The following NDST4 variants were observed in gnomAD, a reference collection of about 807,000 sequenced individuals.
The protein encoded by NDST4 is N-heparan sulfate sulfotransferase 4.
A neutral mutation model predicts 100.8 loss-of-function variants in NDST4; 63 were observed. That is an observed-to-expected ratio of 0.62 (90% CI 0.51 to 0.77). The LOEUF is 0.77. NDST4 is among the 30% of genes least tolerant of loss of function. The probability of loss-of-function intolerance (pLI) is 0.00; values close to 1 mark genes in which losing one functional copy is unlikely to be tolerated. For missense variants in NDST4, 943 were observed against 1,018.4 expected, an observed-to-expected ratio of 0.93 and a Z score of 1.01; for synonymous variants, 377 against 361.8, an observed-to-expected ratio of 1.04 and a Z score of -0.48.
At chr4:114,929,109 C>CTATCTATCTATCT (rs1560817101) in intron 6 of NDST4, among the ~76,000 whole-genome samples, 2 of 112,810 alleles carry the variant, frequency 1.8e-5, no homozygotes, top group African/African-American at 3.3e-5. Context: ...TCCATCCATC[C>CTATCTATCTATCT]ATCCATCTAT....
intron 4 of NDST4, among the ~76,000 whole-genome samples, chr4:114,962,322 A>G (rs1262642367): frequency 6.6e-6 from 1 of 151,954 alleles, no homozygotes; most frequent in African/African-American, 2.4e-5. Context: ...TTAGACAATA[A>G]AATAAAATAA....
intron 6 of NDST4, among the ~76,000 whole-genome samples, chr4:114,925,529 T>C (rs916426696): frequency 6.6e-6 from 1 of 152,154 alleles, no homozygotes; most frequent in African/African-American, 2.4e-5. Context: ...GAGATTGATA[T>C]ACACGGAGAA....
intron 2 of NDST4, among the ~76,000 whole-genome samples, chr4:115,027,966 T>C (rs2126268424): frequency 6.6e-6 from 1 of 151,818 alleles, no homozygotes; most frequent in South Asian, 2.1e-4. Flanking sequence ...GGCAGGAGAA[T>C]CTCTTGAACC....
chr4:115,099,953 T>C (rs1729696637), intron 1 of NDST4, among the ~76,000 whole-genome samples: 2 of 152,136 alleles, frequency 1.3e-5, no homozygotes, highest in Non-Finnish European at 2.9e-5. Flanking sequence ...CTTTGGTACA[T>C]CTGTACGGTG....
chr4:114,870,933 G>C lies in NDST4; in HGVS notation c.1554C>G (p.Thr518=). The change falls in exon 7 of 14, where the codon ACC becomes ACG. Residue 518 remains threonine, a synonymous_variant. Coordinates refer to ENST00000264363, the MANE Select transcript of NDST4 (RefSeq NM_022569.3). ...ILLNPISIFM[T]HLSNYGNDRL... ...GGTCATTTCCATAGTTTGATAAATGGGTCATGAAAATGCTGATCTGAAAGA... is the reference window on the plus strand; with the variant it reads ...GGTCATTTCCATAGTTTGATAAATGCGTCATGAAAATGCTGATCTGAAAGA... 2 of 1,600,276 alleles carry C rather than the reference G, an allele frequency of 1.2e-6. No individual in the cohort carries two copies. Among genetic ancestry groups the C allele is most frequent in the Non-Finnish European group, 1.7e-6 (2 of 1,174,510 alleles).
In NDST4 at chr4:115,008,640, C is replaced by T. The variant is rs1727473250; in HGVS notation, c.979-31366G>A. 1.6e-5 allele frequency among the ~76,000 whole-genome samples: 2 copies of T among 128,520 alleles called. 1 individual carries two copies. Among genetic ancestry groups the T allele is most frequent in the Admixed American group, 1.6e-4 (2 of 12,552 alleles). The allele number at this position is 128,520 out of a possible 152,430, so 84.3% of individuals were successfully genotyped here. ...GAATGGCACAAGACAGGGATGCCCTCTCTCACCACTCCTATTCAACATAGT... is the reference window on the plus strand; with the variant it reads ...GAATGGCACAAGACAGGGATGCCCTTTCTCACCACTCCTATTCAACATAGT... On this transcript the variant is annotated intron_variant, in intron 2 of 13. Transcript: ENST00000264363.
Position 114,949,451 on chromosome 4 carries a change from A to G in NDST4, c.1222-11948T>C, listed in dbSNP as rs549338010. Among the ~76,000 whole-genome samples, 31 of 152,036 alleles carry G rather than the reference A, an allele frequency of 2.0e-4. No individual in the cohort carries two copies. In the South Asian group the frequency reaches 6.2e-3, roughly 31 times the overall value. ...TGAAAAACATAGGAATTTTATTTTT[A>G]TTTTTTTCTCTCGTGTAATGGGGAA... On this transcript the variant is annotated intron_variant, in intron 4 of 13. Transcript: ENST00000264363.
intron 2 of NDST4, among the ~76,000 whole-genome samples, chr4:115,039,403 C>G (rs1435401414): frequency 2.6e-5 from 4 of 151,452 alleles, no homozygotes; most frequent in Non-Finnish European, 4.4e-5. Flanking sequence ...AGCTAACTAA[C>G]AGAAGTTTCC....
At chr4:115,014,443 G>A (rs1482175448) in intron 2 of NDST4, among the ~76,000 whole-genome samples, 1 of 151,988 alleles carries the variant, frequency 6.6e-6, no homozygotes, top group Non-Finnish European at 1.5e-5. Flanking sequence ...TAATGGTATT[G>A]GTCATGTCGA....
rs143621931 is a variant in NDST4, at chr4:115,083,119, C to T, written c.-246-5837G>A. Among the ~76,000 whole-genome samples the T allele has an allele frequency of 3.3e-5, 5 of 152,160 alleles. No homozygotes were observed. In the East Asian group the frequency reaches 7.7e-4, roughly 24 times the overall value. The stretch of plus-strand genomic sequence containing the variant: ...GCTTTTAAGAATCATAAAGAATTAG[C>T]TCATATTTTATATTAATGAAACAGA... On this transcript the variant is annotated intron_variant, in intron 1 of 13. Coordinates refer to ENST00000264363, the MANE Select transcript of NDST4 (RefSeq NM_022569.3).
intron 6 of NDST4, among the ~76,000 whole-genome samples, chr4:114,889,735 G>T (rs974927449): frequency 2.0e-5 from 3 of 152,136 alleles, no homozygotes; most frequent in Non-Finnish European, 4.4e-5. Context: ...TGACTGGGGG[G>T]AGAAAAAGCA....
intron 1 of NDST4, among the ~76,000 whole-genome samples, chr4:115,080,890 C>A (rs924715804): frequency 1.3e-5 from 2 of 152,130 alleles, no homozygotes; most frequent in African/African-American, 2.4e-5. Flanking sequence ...TACCTACTTA[C>A]ATGCTTTGGA....
intron 2 of NDST4, among the ~76,000 whole-genome samples, chr4:115,048,295 A>G (rs533444824): frequency 2.8e-4 from 42 of 152,334 alleles, no homozygotes; most frequent in African/African-American, 1.0e-3. Context: ...AGTTAGAAAA[A>G]CAAGGTTTTT....
At chr4:114,989,894 ACT>A (rs1235335948) in intron 2 of NDST4, among the ~76,000 whole-genome samples, 1 of 152,186 alleles carries the variant, frequency 6.6e-6, no homozygotes, top group African/African-American at 2.4e-5. Context: ...TCAGATGAAC[ACT>A]GTTTGCAAAG....
At chr4:115,065,875 C>T (rs1022143610) in intron 2 of NDST4, among the ~76,000 whole-genome samples, 1 of 152,132 alleles carries the variant, frequency 6.6e-6, no homozygotes, top group African/African-American at 2.4e-5. Flanking sequence ...GGCAACTTAC[C>T]ATTCTCAAAA....
intron 2 of NDST4, among the ~76,000 whole-genome samples, chr4:114,994,430 ACCATGATGCATC>A (rs1184679829): frequency 6.6e-6 from 1 of 151,874 alleles, no homozygotes; most frequent in African/African-American, 2.4e-5. Context: ...CTTTCTTTGT[ACCATGATGCATC>A]CCATGAGCCT....
At chr4:114,949,378 G>T (rs1037135741) in intron 4 of NDST4, among the ~76,000 whole-genome samples, 12 of 152,122 alleles carry the variant, frequency 7.9e-5, no homozygotes, top group Middle Eastern at 3.4e-3. Context: ...GATAGGGAAT[G>T]GGTCCAGCCT....
intron 7 of NDST4, among the ~76,000 whole-genome samples, chr4:114,855,648 C>T (rs1393335221): frequency 6.6e-6 from 1 of 152,096 alleles, no homozygotes; most frequent in African/African-American, 2.4e-5. Context: ...TATTTGCATG[C>T]CAATACCATG....
intron 6 of NDST4, among the ~76,000 whole-genome samples, chr4:114,881,740 T>C (rs1724374592): frequency 6.6e-6 from 1 of 152,144 alleles, no homozygotes; most frequent in African/African-American, 2.4e-5. Context: ...GACATGTTTG[T>C]AATGATTGGA....
Sources: gnomAD v4.1 joint callset for allele counts (sites outside exome capture counted in the v4.1 genomes callset) on GRCh38, gnomAD v4.1.1 for gene constraint, MANE v1.5 for transcripts, NCBI Gene and HGNC (gene_info 2026-07-23, HGNC 2026-07-21) for gene names.